The following LTBP1 variants were observed in gnomAD, a reference collection of about 807,000 sequenced individuals.
The protein encoded by LTBP1 is latent transforming growth factor beta binding protein 1, also known as latent-transforming growth factor beta-binding protein 1.
A neutral mutation model predicts 207.6 loss-of-function variants in LTBP1; 129 were observed. The observed-to-expected ratio is 0.62, with a 90% CI of 0.54 to 0.72. LTBP1 has a LOEUF of 0.72. Among genes scored for constraint, LTBP1 ranks in the 30% least tolerant of loss-of-function variants. The pLI is 0.00. For synonymous variants in LTBP1, 963 were observed against 833.7 expected (o/e 1.16, Z -2.67); for missense variants, 2,281 against 2,217.2 (o/e 1.03, Z -0.58).
intron 4 of LTBP1, among the ~76,000 whole-genome samples, chr2:33,118,204 C>CAAAAAAAAAAAAAA (rs548143669): frequency 7.6e-6 from 1 of 130,922 alleles, no homozygotes; most frequent in Non-Finnish European, 1.7e-5. Flanking sequence ...AAAAAAAAAA[C>CAAAAAAAAAAAAAA]AAAAAAAAAA....
chr2:32,962,510 G>T (rs573406880), intron 2 of LTBP1, among the ~76,000 whole-genome samples: 1 of 152,196 alleles, frequency 6.6e-6, no homozygotes, highest in Non-Finnish European at 1.5e-5. Context: ...CCTCAGTAAG[G>T]TTTCTTGATT....
At chr2:33,006,815 T>A (rs1686960085) in intron 2 of LTBP1, among the ~76,000 whole-genome samples, 1 of 152,034 alleles carries the variant, frequency 6.6e-6, no homozygotes, top group African/African-American at 2.4e-5. Flanking sequence ...TTTCTGAAAA[T>A]AGTTATACCA....
At chr2:33,086,392 T>C (rs1413783103) in intron 3 of LTBP1, among the ~76,000 whole-genome samples, 1 of 152,208 alleles carries the variant, frequency 6.6e-6, no homozygotes, top group Non-Finnish European at 1.5e-5. Context: ...GAGGTCAGCG[T>C]AGCATGACTT....
intron 5 of LTBP1, among the ~76,000 whole-genome samples, chr2:33,182,687 G>GATATATATATATATATATATATATAT (rs201059639): frequency 1.5e-5 from 1 of 67,008 alleles, no homozygotes; most frequent in Admixed American, 1.5e-4. Context: ...AAAAGATGGT[G>GATATATATATATATATATATATATAT]ATATATATAT....
intron 2 of LTBP1, among the ~76,000 whole-genome samples, chr2:32,974,438 A>AT (rs1240409731): frequency 6.6e-6 from 1 of 151,918 alleles, no homozygotes; most frequent in Non-Finnish European, 1.5e-5. Context: ...GATTATTAGT[A>AT]TTTTTTCTAT....
chr2:33,141,360 C>T (rs2082632105), intron 5 of LTBP1, among the ~76,000 whole-genome samples: 1 of 152,084 alleles, frequency 6.6e-6, no homozygotes, highest in African/African-American at 2.4e-5. Context: ...AGATTTGATA[C>T]AGAATAATGT....
intron 3 of LTBP1, among the ~76,000 whole-genome samples, chr2:33,053,903 G>C (rs1056794522): frequency 6.6e-6 from 1 of 152,198 alleles, no homozygotes; most frequent in Non-Finnish European, 1.5e-5. Context: ...GGACCAGAGT[G>C]CCTGGACTTG....
At position 33,206,416 on chromosome 2, in the gene LTBP1, A is replaced by G. The variant is rs562500316; in HGVS notation, c.1702-11136A>G. Among the ~76,000 whole-genome samples, 4 of 152,312 alleles carry G rather than the reference A, an allele frequency of 2.6e-5. No homozygotes were observed. In the South Asian group the frequency reaches 6.2e-4, roughly 24 times the overall value. ...TCTCTTTATAGACATGAAGCTTAAT[A>G]TAGAAGATTTATCTCAATATGGTTG... On this transcript the variant is annotated intron_variant, in intron 7 of 33. Coordinates refer to ENST00000404816, the MANE Select transcript of LTBP1 (RefSeq NM_206943.4).
At chr2:33,351,530 T>A (rs1457249729) in intron 26 of LTBP1, among the ~76,000 whole-genome samples, 2 of 152,188 alleles carry the variant, frequency 1.3e-5, no homozygotes, top group Non-Finnish European at 2.9e-5. Context: ...CCATCCAATA[T>A]CTGTCACCAT....
At chr2:33,043,064 C>T (rs981124654) in intron 3 of LTBP1, among the ~76,000 whole-genome samples, 1 of 152,174 alleles carries the variant, frequency 6.6e-6, no homozygotes, top group Non-Finnish European at 1.5e-5. Context: ...TTCTCAGCCT[C>T]AGGGAGGCCT....
intron 18 of LTBP1, among the ~76,000 whole-genome samples, chr2:33,278,394 A>G (rs1219642165): frequency 1.3e-5 from 2 of 152,214 alleles, no homozygotes; most frequent in Non-Finnish European, 2.9e-5. Flanking sequence ...GCTGTTTTCA[A>G]ATTTCATCAT....
intron 9 of LTBP1, among the ~76,000 whole-genome samples, chr2:33,237,611 T>G (rs2092110060): frequency 6.6e-6 from 1 of 152,236 alleles, no homozygotes; most frequent in South Asian, 2.1e-4. Context: ...TTCATGCCAT[T>G]GATAAACAGT....
chr2:33,163,505 T>C (rs1441541672), intron 5 of LTBP1, among the ~76,000 whole-genome samples: 1 of 152,084 alleles, frequency 6.6e-6, no homozygotes, highest in African/African-American at 2.4e-5. Context: ...GGTAGGATGA[T>C]GAAAAATGGC....
intron 31 of LTBP1, among the ~76,000 whole-genome samples, chr2:33,371,902 G>C (rs1213891371): frequency 6.6e-6 from 1 of 152,206 alleles, no homozygotes; most frequent in African/African-American, 2.4e-5. Context: ...GATGAAATCT[G>C]GTGGTGTCCC....
chr2:33,185,499 A>T (rs1271440022), intron 5 of LTBP1, among the ~76,000 whole-genome samples: 1 of 152,240 alleles, frequency 6.6e-6, no homozygotes, highest in African/African-American at 2.4e-5. Context: ...GTATGATAGG[A>T]TGAAATCATA....
At chr2:33,050,473 C>T (rs1252870585) in intron 3 of LTBP1, among the ~76,000 whole-genome samples, 1 of 151,962 alleles carries the variant, frequency 6.6e-6, no homozygotes, top group Non-Finnish European at 1.5e-5. Flanking sequence ...ACACAACTCA[C>T]CTGTACATTA....
intron 3 of LTBP1, among the ~76,000 whole-genome samples, chr2:33,068,317 T>C (rs910167310): frequency 2.6e-5 from 4 of 152,070 alleles, no homozygotes; most frequent in Non-Finnish European, 5.9e-5. Context: ...ACAGCCAAAA[T>C]GAAGGGAAAT....
At chr2:33,025,031 G>A (rs1000369774) in intron 3 of LTBP1, among the ~76,000 whole-genome samples, 11 of 152,168 alleles carry the variant, frequency 7.2e-5, no homozygotes, top group African/African-American at 2.4e-4. Context: ...TCCTCTCTAT[G>A]TGGACCTCTC....
At position 33,398,707 on chromosome 2, in the gene LTBP1, G is replaced by A. The variant is rs773551379; in HGVS notation, c.*162G>A. 28 of 604,546 alleles carry A rather than the reference G, an allele frequency of 4.6e-5. No individual in the cohort carries two copies. Among genetic ancestry groups the A allele is most frequent in the South Asian group, 1.6e-4 (6 of 37,024 alleles). 37.4% of individuals were successfully genotyped at this position (604,546 alleles called of 1,614,324 possible). A position where few individuals can be genotyped will look rare whatever the true frequency, so the allele number is the denominator to read the frequency against. On this transcript the variant is annotated 3_prime_UTR_variant, in exon 34 of 34. Transcript: ENST00000404816. ...AAGACAATGAGAGGATTTAGGATGAGCCCGATAGGTGTGGCAGACCAAATG... is the reference window on the plus strand; with the variant it reads ...AAGACAATGAGAGGATTTAGGATGAACCCGATAGGTGTGGCAGACCAAATG...
Sources: gnomAD v4.1 joint callset for allele counts (sites outside exome capture counted in the v4.1 genomes callset) on GRCh38, gnomAD v4.1.1 for gene constraint, MANE v1.5 for transcripts, NCBI Gene and HGNC (gene_info 2026-07-23, HGNC 2026-07-21) for gene names.